Variants in CCDC50 observed in about 807,000 individuals in gnomAD.
CCDC50 encodes coiled-coil domain containing 50.
Under a neutral mutation model 70.2 loss-of-function variants are expected in CCDC50, and 54 were observed. That is an observed-to-expected ratio of 0.77 (90% CI 0.62 to 0.96). CCDC50 has a LOEUF of 0.96. Ranked by LOEUF, CCDC50 falls within the 50% of genes least tolerant of loss-of-function variation. The pLI, the probability that CCDC50 is intolerant of heterozygous loss-of-function variation, is 0.00. For synonymous variants in CCDC50, 216 were observed against 198.8 expected (o/e 1.09, Z -0.73); for missense variants, 558 against 578.7 (o/e 0.96, Z 0.37).
intron 1 of CCDC50, among the ~76,000 whole-genome samples, chr3:191,343,943 T>C (rs1337793416): frequency 6.6e-6 from 1 of 152,210 alleles, no homozygotes; most frequent in African/African-American, 2.4e-5. Flanking sequence ...GGTTGCTAGA[T>C]AAATGTAGGA....
chr3:191,338,015 A>C (rs1520202), intron 1 of CCDC50, among the ~76,000 whole-genome samples: 20,120 of 152,104 alleles, frequency 0.13, 1,732 homozygotes, highest in East Asian at 0.24. Context: ...ACCAAATACC[A>C]GGGGAGTCTC....
At chr3:191,383,584 C>A (rs1207736430) in intron 10 of CCDC50, among the ~76,000 whole-genome samples, 1 of 152,108 alleles carries the variant, frequency 6.6e-6, no homozygotes, top group African/African-American at 2.4e-5. Flanking sequence ...ATTCTTGAAA[C>A]ATAACGCTTA....
intron 4 of CCDC50, 102 bp from the exon 5 acceptor site, chr3:191,369,817 A>G: frequency 2.5e-6 from 2 of 815,648 alleles, no homozygotes; most frequent in Non-Finnish European, 4.3e-6. Flanking sequence ...AGAGCCATGG[A>G]CAGAGCACAT....
At chr3:191,378,821 C>A (rs1359389564) in intron 6 of CCDC50, among the ~76,000 whole-genome samples, 1 of 151,624 alleles carries the variant, frequency 6.6e-6, no homozygotes, top group African/African-American at 2.4e-5. Context: ...CTCCGTGGCT[C>A]TAGAGTTGAT....
At chr3:191,340,924 C>G (rs1424745558) in intron 1 of CCDC50, among the ~76,000 whole-genome samples, 1 of 152,184 alleles carries the variant, frequency 6.6e-6, no homozygotes, top group Non-Finnish European at 1.5e-5. Flanking sequence ...TGGCCTCAAG[C>G]TCCTGGGCTC....
chr3:191,387,206 T>C (rs572724325), intron 10 of CCDC50, among the ~76,000 whole-genome samples: 4 of 152,264 alleles, frequency 2.6e-5, no homozygotes, highest in South Asian at 2.1e-4. Context: ...TGTTAAGTGC[T>C]ATGGATGAAA....
At position 191,349,401 on chromosome 3, in the gene CCDC50, C is replaced by A. The variant is rs565722847; in HGVS notation, c.50-7687C>A. On this transcript the variant is annotated intron_variant, in intron 1 of 11. Coordinates refer to ENST00000392455, the MANE Select transcript of CCDC50 (RefSeq NM_178335.3). ...TTAGACACATGAGTCTAAAATTGAA[C>A]AATATCTTCTCTTCCCAAATGGAGG... Among the ~76,000 whole-genome samples the A allele has an allele frequency of 2.0e-4, 29 of 141,936 alleles. 3 individuals carry two copies. In the South Asian group the frequency reaches 6.2e-3, roughly 30 times the overall value. The allele number at this position is 141,936 out of a possible 152,430, so 93.1% of individuals were successfully genotyped here.
Position 191,352,816 on chromosome 3 carries a change from T to A in CCDC50, c.50-4272T>A, listed in dbSNP as rs1046476709. 2.8e-5 allele frequency among the ~76,000 whole-genome samples: 4 copies of A among 142,108 alleles called. 1 individual carries two copies. The highest frequency in any genetic ancestry group is 7.2e-5 in the Admixed American group (1 of 13,980). 93.2% of individuals were successfully genotyped at this position (142,108 alleles called of 152,430 possible). A position where few individuals can be genotyped will look rare whatever the true frequency, so the allele number is the denominator to read the frequency against. ...AATGAGAATGGGGATAGGGTTCTAG[T>A]TTTATGTAGTTTGTTTATTACTAAA... On this transcript the variant is annotated intron_variant, in intron 1 of 11. Coordinates refer to ENST00000392455, the MANE Select transcript of CCDC50 (RefSeq NM_178335.3).
intron 1 of CCDC50, among the ~76,000 whole-genome samples, chr3:191,346,498 C>T (rs539922794): frequency 2.0e-4 from 30 of 152,260 alleles, no homozygotes; most frequent in African/African-American, 7.2e-4. Context: ...CTAGACTCTG[C>T]CTGTAACATG....
intron 1 of CCDC50, among the ~76,000 whole-genome samples, chr3:191,356,834 C>T (rs767842544): frequency 6.6e-5 from 10 of 152,200 alleles, no homozygotes; most frequent in Non-Finnish European, 1.0e-4. Context: ...AATGTTCTCA[C>T]CTCAGGCCAG....
At chr3:191,381,580 A>G (rs1293898073) in intron 9 of CCDC50, among the ~76,000 whole-genome samples, 3 of 152,162 alleles carry the variant, frequency 2.0e-5, no homozygotes, top group Non-Finnish European at 2.9e-5. Context: ...GCGTAAGACA[A>G]CACTTTGGAC....
At chr3:191,368,906 A>G (rs1032740732) in intron 4 of CCDC50, among the ~76,000 whole-genome samples, 1 of 152,288 alleles carries the variant, frequency 6.6e-6, no homozygotes, top group Admixed American at 6.5e-5. Context: ...AGTAATCTTC[A>G]GATTCAGAAC....
At chr3:191,388,155 T>A (rs1337595302) in intron 10 of CCDC50, among the ~76,000 whole-genome samples, 2 of 149,084 alleles carry the variant, frequency 1.3e-5, no homozygotes, top group African/African-American at 2.4e-5. Flanking sequence ...TATATATATA[T>A]AAAACAGATG....
intron 1 of CCDC50, among the ~76,000 whole-genome samples, chr3:191,338,761 A>G (rs142912630): frequency 6.6e-6 from 1 of 152,166 alleles, no homozygotes; most frequent in Non-Finnish European, 1.5e-5. Context: ...CCAGCTCTCA[A>G]ATTTCTATAA....
chr3:191,359,029 T>C (rs1316166927), intron 3 of CCDC50, among the ~76,000 whole-genome samples: 1 of 152,228 alleles, frequency 6.6e-6, no homozygotes, highest in Non-Finnish European at 1.5e-5. Flanking sequence ...TGATTCATGC[T>C]AAATCTGGCA....
At chr3:191,345,449 C>T (rs1269484263) in intron 1 of CCDC50, among the ~76,000 whole-genome samples, 1 of 152,136 alleles carries the variant, frequency 6.6e-6, no homozygotes. Flanking sequence ...CCTGCTTTTT[C>T]ACTCTTCCTC....
intron 3 of CCDC50, among the ~76,000 whole-genome samples, chr3:191,359,614 G>A (rs920439167): frequency 6.6e-6 from 1 of 152,094 alleles, no homozygotes; most frequent in Non-Finnish European, 1.5e-5. Flanking sequence ...GAGATGGTGA[G>A]GCTTGAATGA....
At chr3:191,347,379 A>G (rs1711961066) in intron 1 of CCDC50, among the ~76,000 whole-genome samples, 1 of 141,134 alleles carries the variant, frequency 7.1e-6, no homozygotes, top group Non-Finnish European at 1.6e-5. Flanking sequence ...TCTGGAGACT[A>G]GCTCCAGATT....
chr3:191,387,711 CT>C (rs1307978242), intron 10 of CCDC50, among the ~76,000 whole-genome samples: 2 of 152,012 alleles, frequency 1.3e-5, no homozygotes, highest in African/African-American at 4.8e-5. Flanking sequence ...TGCTAGAAAA[CT>C]TGTGGGCATC....
Sources: gnomAD v4.1 joint callset for allele counts (sites outside exome capture counted in the v4.1 genomes callset) on GRCh38, gnomAD v4.1.1 for gene constraint, MANE v1.5 for transcripts, NCBI Gene and HGNC (gene_info 2026-07-23, HGNC 2026-07-21) for gene names.